Variants in BRSK2 observed in about 807,000 individuals in gnomAD.
The protein encoded by BRSK2 is serine/threonine-protein kinase BRSK2.
BRSK2 carries 19 observed loss-of-function variants against 83.3 expected under a neutral mutation model. The observed-to-expected ratio is 0.23, with a 90% confidence interval of 0.16 to 0.33. BRSK2 has a LOEUF of 0.33. BRSK2 is among the 10% of genes least tolerant of loss of function. The probability of loss-of-function intolerance (pLI) is 1.00; values close to 1 mark genes in which losing one functional copy is unlikely to be tolerated. For missense variants in BRSK2, 798 were observed against 1,042.3 expected, an observed-to-expected ratio of 0.77 and a Z score of 3.23; for synonymous variants, 519 against 435.4, an observed-to-expected ratio of 1.19 and a Z score of -2.39.
chr11:1,434,379 C>T (rs1850005660), intron 1 of BRSK2, among the ~76,000 whole-genome samples: 2 of 148,646 alleles, frequency 1.3e-5, no homozygotes, highest in Admixed American at 6.7e-5. Context: ...GGAGTGGGGT[C>T]CCCTGTGATA....
chr11:1,410,808 G>A lies in BRSK2; in HGVS notation c.91+20433G>A, dbSNP rs1293082644. On this transcript the variant is annotated intron_variant, in intron 1 of 19. Coordinates refer to ENST00000528841, the MANE Select transcript of BRSK2 (RefSeq NM_001256627.2). ...GCCACAGGTGGCCCCCCCGCCACCC[G>A]GCAGGCACAGCAGGGCACCACCGAG... 10 of 981,632 alleles carry A rather than the reference G, an allele frequency of 1.0e-5. No individual in the cohort carries two copies. The South Asian group carries it at 2.4e-4, about 23-fold the overall frequency. The allele number at this position is 981,632 out of a possible 1,614,324, so 60.8% of individuals were successfully genotyped here. A position where few individuals can be genotyped will look rare whatever the true frequency, so the allele number is the denominator to read the frequency against.
At chr11:1,445,115 TTGGCCCTCCG>T in intron 9 of BRSK2, 113 bp downstream of exon 9, 1 of 1,513,106 alleles carries the variant, frequency 6.6e-7, no homozygotes, top group Non-Finnish European at 9.1e-7. Flanking sequence ...CTGCCCTGCC[TTGGCCCTCCG>T]TGGCCTGCGC....
chr11:1,423,188 C>T lies in BRSK2; in HGVS notation c.92-12852C>T, dbSNP rs528639237. ...GTGCCTCGTGGGGGATGCGGTGCCT[C>T]GTGGGGGACATGGTGCCTTGTGGGG... On this transcript the variant is annotated intron_variant, in intron 1 of 19. Transcript: ENST00000528841. This position sits in a 1 kb window ranked among gnomAD's most constrained non-coding sequence, Gnocchi z 6.5. Among the ~76,000 whole-genome samples the T allele has an allele frequency of 3.3e-5, 5 of 152,090 alleles. No homozygotes were observed. The highest frequency in any genetic ancestry group is 7.4e-5 in the Non-Finnish European group (5 of 68,018).
In BRSK2 at chr11:1,438,455, G is replaced by A; in HGVS notation, c.272+64G>A. The A allele has an allele frequency of 6.7e-7, 1 of 1,489,618 alleles. No homozygotes were observed. Among genetic ancestry groups the A allele is most frequent in the Non-Finnish European group, 9.3e-7 (1 of 1,070,180 alleles). The allele number at this position is 1,489,618 out of a possible 1,614,324, so 92.3% of individuals were successfully genotyped here. On this transcript the variant is annotated intron_variant, in intron 3 of 19. Coordinates refer to ENST00000528841, the MANE Select transcript of BRSK2 (RefSeq NM_001256627.2). This position sits in a 1 kb window ranked among gnomAD's most constrained non-coding sequence, Gnocchi z 6.4. ...GTGGCAGCTGTCGCTGCAGGGGTGG[G>A]TGTCTGGGGCTTGGGGAGCACAGGG...
chr11:1,438,469 G>T lies in BRSK2; in HGVS notation c.272+78G>T. The T allele has an allele frequency of 1.5e-6, 2 of 1,362,152 alleles. No homozygotes were observed. The highest frequency in any genetic ancestry group is 1.4e-5 in the African/African-American group (1 of 70,204). The allele number at this position is 1,362,152 out of a possible 1,614,324, so 84.4% of individuals were successfully genotyped here. On this transcript the variant is annotated intron_variant, in intron 3 of 19. Transcript: ENST00000528841. This position sits in a 1 kb window ranked among gnomAD's most constrained non-coding sequence, Gnocchi z 6.4. Reference sequence around the variant, plus strand: ...TGCAGGGGTGGGTGTCTGGGGCTTGGGGAGCACAGGGGCTGGAGGCCAGGG... The same window carrying T: ...TGCAGGGGTGGGTGTCTGGGGCTTGTGGAGCACAGGGGCTGGAGGCCAGGG...
At chr11:1,419,745 A>G (rs911448773) in intron 1 of BRSK2, among the ~76,000 whole-genome samples, 3 of 152,188 alleles carry the variant, frequency 2.0e-5, no homozygotes, top group African/African-American at 7.2e-5. Flanking sequence ...CCCCGTCTCT[A>G]CTAAAAATAC....
Position 1,390,455 on chromosome 11 carries a change from C to T in BRSK2, c.91+80C>T. 15 of 834,764 alleles carry T rather than the reference C, an allele frequency of 1.8e-5. No individual in the cohort carries two copies. The highest frequency in any genetic ancestry group is 2.2e-5 in the Non-Finnish European group (15 of 690,884). The allele number at this position is 834,764 out of a possible 1,614,324, so 51.7% of individuals were successfully genotyped here. A position where few individuals can be genotyped will look rare whatever the true frequency, so the allele number is the denominator to read the frequency against. Reference sequence around the variant, plus strand: ...TGGGTGGGGGGCGCCCGAGGGAGGCCCCGGCCGCGAAGCCGCAGGCCCGGC... The same window carrying T: ...TGGGTGGGGGGCGCCCGAGGGAGGCTCCGGCCGCGAAGCCGCAGGCCCGGC... On this transcript the variant is annotated intron_variant, in intron 1 of 19. Transcript: ENST00000528841. This position sits in a 1 kb window ranked among gnomAD's most constrained non-coding sequence, Gnocchi z 6.8.
Position 1,390,458 on chromosome 11 carries a change from G to A in BRSK2, c.91+83G>A. ...GTGGGGGGCGCCCGAGGGAGGCCCC[G>A]GCCGCGAAGCCGCAGGCCCGGCCCG... On this transcript the variant is annotated intron_variant, in intron 1 of 19. Transcript: ENST00000528841. This position sits in a 1 kb window ranked among gnomAD's most constrained non-coding sequence, Gnocchi z 6.8. 4 of 806,220 alleles carry A rather than the reference G, an allele frequency of 5.0e-6. No individual in the cohort carries two copies. Among genetic ancestry groups the A allele is most frequent in the Non-Finnish European group, 4.5e-6 (3 of 665,246 alleles). The allele number at this position is 806,220 out of a possible 1,614,324, so 49.9% of individuals were successfully genotyped here.
chr11:1,406,149 C>T (rs1846862408), intron 1 of BRSK2, among the ~76,000 whole-genome samples: 1 of 152,218 alleles, frequency 6.6e-6, no homozygotes, highest in Admixed American at 6.5e-5. Context: ...CTTCCTCTCC[C>T]TGCCCAGCCG....
In BRSK2 at chr11:1,460,494, A is replaced by G; in HGVS notation, c.1988-6A>G. On this transcript the variant is annotated splice_polypyrimidine_tract_variant and splice_region_variant and intron_variant, in intron 19 of 19. Transcript: ENST00000528841. ...TTTTTTTTTTGTCTCTGTTCTGTGTACCCAGGCAGCCCATTGAGTAACTTC... is the reference window on the plus strand; with the variant it reads ...TTTTTTTTTTGTCTCTGTTCTGTGTGCCCAGGCAGCCCATTGAGTAACTTC... 2 of 1,260,928 alleles carry G rather than the reference A, an allele frequency of 1.6e-6. No homozygotes were observed. Among genetic ancestry groups the G allele is most frequent in the Non-Finnish European group, 2.0e-6 (2 of 989,032 alleles). 78.1% of individuals were successfully genotyped at this position (1,260,928 alleles called of 1,614,324 possible). A position where few individuals can be genotyped will look rare whatever the true frequency, so the allele number is the denominator to read the frequency against.
chr11:1,398,444 C>T (rs879634511), intron 1 of BRSK2, among the ~76,000 whole-genome samples: 7 of 152,274 alleles, frequency 4.6e-5, no homozygotes, highest in Admixed American at 4.6e-4. Flanking sequence ...GGGTGGTGGC[C>T]AGGGTGGCCA....
rs200890133 is a variant in BRSK2, at chr11:1,445,327, C to T, written c.846C>T (p.Pro282=). The T allele has an allele frequency of 3.1e-6, 5 of 1,611,314 alleles. No homozygotes were observed. In the South Asian group the frequency reaches 4.4e-5, roughly 14 times the overall value. The change falls in exon 10 of 20, where the codon CCC becomes CCT. Residue 282 remains proline (P), a synonymous_variant. Transcript: ENST00000528841. ...AGAATGAGCCCGAACCAGAGCAGCC[C>T]ATTCCTCGCAAGGTGCAGATCCGCT... ...GGKNEPEPEQ[P]IPRKVQIRSL...
Position 1,454,639 on chromosome 11 carries a change from C to T in BRSK2, c.1668+31C>T, listed in dbSNP as rs1448236033. ...GCCACAGGGCGCTGGGGGAGGCGGG[C>T]AGCCCTCCCAACCCCACACGGCCCA... On this transcript the variant is annotated intron_variant, in intron 16 of 19. Transcript: ENST00000528841. The surrounding 1 kb of genome is among the most constrained non-coding windows in gnomAD (Gnocchi z 5.2). 1.9e-6 allele frequency: 3 copies of T among 1,610,154 alleles called. No individual in the cohort carries two copies. Among genetic ancestry groups the T allele is most frequent in the Non-Finnish European group, 2.5e-6 (3 of 1,179,142 alleles).
intron 1 of BRSK2, 151 bp from the exon 2 acceptor site, chr11:1,435,889 C>G (rs1188900801): frequency 3.4e-6 from 2 of 581,952 alleles, no homozygotes; most frequent in Non-Finnish European, 6.1e-6. Flanking sequence ...TTCTGGACAG[C>G]GACCCAGGCG....
intron 14 of BRSK2, 50 bp from the exon 15 acceptor site, chr11:1,451,321 A>G (rs1212371566): frequency 6.2e-7 from 1 of 1,607,968 alleles, no homozygotes; most frequent in Non-Finnish European, 8.5e-7. Context: ...GGGCAGGGGA[A>G]GGATGGAGCG....
At chr11:1,449,042 A>G (rs552165717) in intron 12 of BRSK2, among the ~76,000 whole-genome samples, 1 of 152,310 alleles carries the variant, frequency 6.6e-6, no homozygotes, top group African/African-American at 2.4e-5. Context: ...GGCAGCTGCC[A>G]CTGTCTGGGC....
intron 1 of BRSK2, among the ~76,000 whole-genome samples, chr11:1,399,679 G>A (rs911548541): frequency 9.9e-5 from 15 of 152,120 alleles, no homozygotes; most frequent in African/African-American, 3.4e-4. Flanking sequence ...CAGTAACCCC[G>A]GACACATCCC....
chr11:1,390,361 G>A lies in BRSK2; in HGVS notation c.77G>A (p.Gly26Asp). The A allele has an allele frequency of 9.7e-7, 1 of 1,035,518 alleles. No individual in the cohort carries two copies. Among genetic ancestry groups the A allele is most frequent in the Non-Finnish European group, 1.2e-6 (1 of 853,724 alleles). 64.1% of individuals were successfully genotyped at this position (1,035,518 alleles called of 1,614,324 possible). ...CCCTACCGGCTGGAGAAGACGCTGG[G>A]CAAGGGGCAGACAGGTGCGTGCGGC... Reference protein sequence around the residue: ...VGPYRLEKTLGKGQTGLVKLG... With the variant: ...VGPYRLEKTLDKGQTGLVKLG... Residue 26 changes from glycine (G) to aspartate (D), a missense_variant, in exon 1 of 20, where the codon GGC becomes GAC. Gly to Asp is a moderately conservative substitution (Grantham distance 94). Around this residue, in one of 6 missense-constraint regions of BRSK2, gnomAD observed 33 missense variants for 30.8 expected, o/e 1.07. Transcript: ENST00000528841. This position sits in a 1 kb window ranked among gnomAD's most constrained non-coding sequence, Gnocchi z 6.8.
chr11:1,439,796 C>T (rs1021084123), intron 3 of BRSK2, among the ~76,000 whole-genome samples: 1 of 151,792 alleles, frequency 6.6e-6, no homozygotes, highest in Non-Finnish European at 1.5e-5. Context: ...TCACACCTTC[C>T]CCTGCCCTGG....
Sources: gnomAD v4.1 joint callset for allele counts (sites outside exome capture counted in the v4.1 genomes callset) on GRCh38, gnomAD v4.1.1 for gene constraint, gnomAD v4.1.1 regional missense constraint, Gnocchi (gnomAD v3.1) non-coding constraint, MANE v1.5 for transcripts, NCBI Gene and HGNC (gene_info 2026-07-23, HGNC 2026-07-21) for gene names.